The following PPP2R5E variants were observed in gnomAD, a reference collection of about 807,000 sequenced individuals.
PPP2R5E encodes the protein serine/threonine-protein phosphatase 2A 56 kDa regulatory subunit epsilon isoform.
PPP2R5E carries 4 observed loss-of-function variants against 65.3 expected under a neutral mutation model. The ratio of observed to expected loss-of-function variants is 0.06; its 90% CI spans 0.03 to 0.14. The LOEUF is 0.14. PPP2R5E is among the 10% of genes least tolerant of loss of function. The probability of loss-of-function intolerance (pLI) is 1.00; values close to 1 mark genes in which losing one functional copy is unlikely to be tolerated. For missense variants in PPP2R5E, 274 were observed against 556.1 expected, an observed-to-expected ratio of 0.49 and a Z score of 5.10; for synonymous variants, 183 against 187.4, an observed-to-expected ratio of 0.98 and a Z score of 0.19.
At chr14:63,391,182 G>A (rs1884997886) in intron 10 of PPP2R5E, among the ~76,000 whole-genome samples, 2 of 152,154 alleles carry the variant, frequency 1.3e-5, no homozygotes, top group Admixed American at 1.3e-4. Flanking sequence ...CACCTGATTG[G>A]GGCCTGGCCT....
intron 2 of PPP2R5E, among the ~76,000 whole-genome samples, chr14:63,473,391 A>G (rs1276513631): frequency 6.6e-6 from 1 of 152,218 alleles, no homozygotes; most frequent in Non-Finnish European, 1.5e-5. Context: ...AAGGTTAAAA[A>G]TGGAACCATG....
At chr14:63,422,132 C>T (rs1357130307) in intron 3 of PPP2R5E, 38 bp from the exon 4 acceptor site, 3 of 1,535,518 alleles carry the variant, frequency 2.0e-6, no homozygotes, top group Non-Finnish European at 2.7e-6. Context: ...CGGGAAGCAC[C>T]TTCTGCACAG....
In PPP2R5E at chr14:63,508,256, G is replaced by A. The variant is rs148806436; in HGVS notation, c.157+31273C>T. 3.7e-3 allele frequency: 3,619 copies of A among 982,124 alleles called. 14 individuals carry two copies. Among genetic ancestry groups the A allele is most frequent in the Middle Eastern group, 0.022 (41 of 1,904 alleles). The allele number at this position is 982,124 out of a possible 1,614,324, so 60.8% of individuals were successfully genotyped here. A position where few individuals can be genotyped will look rare whatever the true frequency, so the allele number is the denominator to read the frequency against. ...AAATGCTTTCCTCTCTAAACCACGCGGCTCACTTGTTTACCCCAATGCTAT... is the reference window on the plus strand; with the variant it reads ...AAATGCTTTCCTCTCTAAACCACGCAGCTCACTTGTTTACCCCAATGCTAT... On this transcript the variant is annotated intron_variant, in intron 2 of 13. Transcript: ENST00000337537.
At chr14:63,514,674 C>T (rs542408247) in intron 2 of PPP2R5E, among the ~76,000 whole-genome samples, 5 of 152,168 alleles carry the variant, frequency 3.3e-5, no homozygotes, top group South Asian at 2.1e-4. Context: ...CTCTAAGCAG[C>T]GAAGATGAGA....
At chr14:63,471,745 T>C (rs1890142829) in intron 2 of PPP2R5E, among the ~76,000 whole-genome samples, 1 of 152,210 alleles carries the variant, frequency 6.6e-6, no homozygotes, top group African/African-American at 2.4e-5. Context: ...ATCTGGCACC[T>C]GTACACTATC....
chr14:63,462,384 A>T (rs373085462), intron 2 of PPP2R5E, among the ~76,000 whole-genome samples: 1 of 152,260 alleles, frequency 6.6e-6, no homozygotes. Flanking sequence ...ACTGTAGATC[A>T]TCATAAAAGC....
At chr14:63,412,783 T>C (rs994177557) in intron 5 of PPP2R5E, among the ~76,000 whole-genome samples, 1 of 152,194 alleles carries the variant, frequency 6.6e-6, no homozygotes, top group African/African-American at 2.4e-5. Context: ...CCCCATTTAA[T>C]AGGAACCAGT....
rs922631195 is a variant in PPP2R5E at position 63,404,873 on chromosome 14, T to C, written c.550-8157A>G. ...TGGTCAGCAATTCAAGAAAGAGCTA[T>C]TGTGCTAAATAATGATGCACTTAGT... On this transcript the variant is annotated intron_variant, in intron 5 of 13. Coordinates refer to ENST00000337537, the MANE Select transcript of PPP2R5E (RefSeq NM_006246.5). 2.0e-5 allele frequency among the ~76,000 whole-genome samples: 3 copies of C among 152,242 alleles called. 1 individual carries two copies. The highest frequency in any genetic ancestry group is 4.1e-4 in the South Asian group (2 of 4,836).
intron 6 of PPP2R5E, 34 bp from the exon 7 acceptor site, chr14:63,395,319 G>A (rs766447159): frequency 6.8e-7 from 1 of 1,472,386 alleles, no homozygotes; most frequent in East Asian, 2.3e-5. Flanking sequence ...GGAGAAAGGA[G>A]GAGAGGAGGA....
intron 6 of PPP2R5E, 36 bp from the exon 7 acceptor site, chr14:63,395,321 AGAG>A (rs769010037): frequency 1.2e-5 from 17 of 1,439,924 alleles, no homozygotes; most frequent in South Asian, 5.8e-5. Flanking sequence ...AGAAAGGAGG[AGAG>A]GAGGAGGAGA....
chr14:63,437,098 C>G (rs564549640), intron 3 of PPP2R5E, among the ~76,000 whole-genome samples: 1 of 152,296 alleles, frequency 6.6e-6, no homozygotes, highest in South Asian at 2.1e-4. Context: ...CACCGCTACA[C>G]CATGGTACTA....
At position 63,539,504 on chromosome 14, in the gene PPP2R5E, T is replaced by C. The variant is rs543182117; in HGVS notation, c.157+25A>G. On this transcript the variant is annotated intron_variant, in intron 2 of 13. Coordinates refer to ENST00000337537, the MANE Select transcript of PPP2R5E (RefSeq NM_006246.5). Reference sequence around the variant, plus strand: ...TGTAGAAAGATCAATTGAAAAAGAATGCATCACCTGGTCATGAGCCTTACC... The same window carrying C: ...TGTAGAAAGATCAATTGAAAAAGAACGCATCACCTGGTCATGAGCCTTACC... 2.4e-4 allele frequency: 382 copies of C among 1,599,938 alleles called. 5 individuals are homozygous for C. The South Asian group carries it at 4.0e-3, about 17-fold the overall frequency.
chr14:63,475,777 T>TAAGAA (rs10638043), intron 2 of PPP2R5E, among the ~76,000 whole-genome samples: 51,883 of 151,724 alleles, frequency 0.34, 11,924 homozygotes, highest in African/African-American at 0.66. Context: ...TTAAAAAACA[T>TAAGAA]AAGATAGTTT....
chr14:63,435,586 T>C (rs1431635162), intron 3 of PPP2R5E, among the ~76,000 whole-genome samples: 1 of 152,102 alleles, frequency 6.6e-6, no homozygotes, highest in Admixed American at 6.5e-5. Context: ...TGTTCAAAAA[T>C]CCTTACAACT....
At chr14:63,495,839 T>C (rs2035595170) in intron 2 of PPP2R5E, among the ~76,000 whole-genome samples, 1 of 151,870 alleles carries the variant, frequency 6.6e-6, no homozygotes, top group Non-Finnish European at 1.5e-5. Context: ...AACAGGCATG[T>C]ACCACCTTGC....
intron 2 of PPP2R5E, among the ~76,000 whole-genome samples, chr14:63,537,868 A>G (rs1893734667): frequency 6.6e-6 from 1 of 152,196 alleles, no homozygotes; most frequent in South Asian, 2.1e-4. Flanking sequence ...TAGTTTCCAC[A>G]CTATAAAAGC....
chr14:63,522,908 T>TG (rs1893003574), intron 2 of PPP2R5E, among the ~76,000 whole-genome samples: 7 of 99,596 alleles, frequency 7.0e-5, no homozygotes, highest in African/African-American at 1.6e-4. Flanking sequence ...GGGAGGGAGG[T>TG]CGGGGGGTCA....
chr14:63,471,845 C>A (rs1309079941), intron 2 of PPP2R5E, among the ~76,000 whole-genome samples: 1 of 152,126 alleles, frequency 6.6e-6, no homozygotes, highest in Non-Finnish European at 1.5e-5. Flanking sequence ...CTGGAGGGAC[C>A]ATCTGGAAGG....
intron 2 of PPP2R5E, among the ~76,000 whole-genome samples, chr14:63,507,575 C>G (rs77587408): frequency 9.5e-6 from 1 of 105,500 alleles, no homozygotes; most frequent in African/African-American, 4.1e-5. Context: ...GGGTAATTCT[C>G]TTTTTTTTTT....
Sources: gnomAD v4.1 joint callset for allele counts (sites outside exome capture counted in the v4.1 genomes callset) on GRCh38, gnomAD v4.1.1 for gene constraint, MANE v1.5 for transcripts, NCBI Gene and HGNC (gene_info 2026-07-23, HGNC 2026-07-21) for gene names.